IGSF10: variants seen among roughly 807,000 people sequenced by gnomAD.
IGSF10 encodes the protein calvaria mechanical force protein 608.
A neutral mutation model predicts 128.2 loss-of-function variants in IGSF10; 126 were observed. The ratio of observed to expected loss-of-function variants is 0.98; its 90% confidence interval spans 0.85 to 1.14. IGSF10 has a LOEUF of 1.14. Ranked by LOEUF, IGSF10 falls within the 50% of genes most tolerant of loss-of-function variation. The probability of loss-of-function intolerance (pLI) is 0.00; values close to 1 mark genes in which losing one functional copy is unlikely to be tolerated. For synonymous variants in IGSF10, 1,185 were observed against 1,146.2 expected (o/e 1.03, Z -0.68); for missense variants, 3,295 against 3,149.8 (o/e 1.05, Z -1.10).
chr3:151,569,406 A>T, the IGSF10 span, among the ~76,000 whole-genome samples: 1 of 152,066 alleles, frequency 6.6e-6, no homozygotes, highest in Non-Finnish European at 1.5e-5. Context: ...TGTGCCTCTC[A>T]TTTGTTATCT....
At chr3:151,500,079 A>G in the IGSF10 span, among the ~76,000 whole-genome samples, 1 of 152,176 alleles carries the variant, frequency 6.6e-6, no homozygotes, top group East Asian at 1.9e-4. Context: ...TGTTGACATT[A>G]ATTACCAATG....
At chr3:151,582,088 A>G in the IGSF10 span, among the ~76,000 whole-genome samples, 1 of 152,042 alleles carries the variant, frequency 6.6e-6, no homozygotes, top group African/African-American at 2.4e-5. Flanking sequence ...AAACAAAAAT[A>G]TACCATTATT....
the IGSF10 span, among the ~76,000 whole-genome samples, chr3:151,612,380 A>G: frequency 3.9e-5 from 6 of 152,244 alleles, no homozygotes; most frequent in Admixed American, 1.3e-4. Flanking sequence ...TGTGACACAC[A>G]CATACCACAG....
the IGSF10 span, among the ~76,000 whole-genome samples, chr3:151,529,543 T>C: frequency 5.9e-4 from 90 of 152,324 alleles, no homozygotes; most frequent in African/African-American, 2.1e-3. Flanking sequence ...CTGCAGCCTC[T>C]GCCGGTGATA....
intron 7 of IGSF10, among the ~76,000 whole-genome samples, chr3:151,441,441 T>C (rs1192232622): frequency 2.0e-5 from 3 of 152,158 alleles, no homozygotes; most frequent in African/African-American, 4.8e-5. Flanking sequence ...TTGATGACAT[T>C]TGAAAAACTT....
downstream of IGSF10, chr3:151,432,622 G>T (rs1719661581): frequency 1.5e-6 from 1 of 680,160 alleles, no homozygotes. Context: ...TCAGGGCAAG[G>T]ATAGTACTCT....
the IGSF10 span, among the ~76,000 whole-genome samples, chr3:151,595,149 C>G: frequency 6.6e-6 from 1 of 152,010 alleles, no homozygotes; most frequent in East Asian, 1.9e-4. Context: ...AATAGGAATC[C>G]TTGCACACTG....
chr3:151,594,331 C>CTT, the IGSF10 span, among the ~76,000 whole-genome samples: 3,196 of 121,420 alleles, frequency 0.026, 44 homozygotes, highest in African/African-American at 0.043. Context: ...ATAAAAACTG[C>CTT]TTTTTTTTTT....
At chr3:151,539,764 G>GCATC in the IGSF10 span, among the ~76,000 whole-genome samples, 1 of 137,462 alleles carries the variant, frequency 7.3e-6, no homozygotes, top group African/African-American at 2.7e-5. Flanking sequence ...TATTTCAACA[G>GCATC]CATCTATCTA....
the IGSF10 span, chr3:151,499,790 A>G: frequency 6.6e-6 from 1 of 152,072 alleles, no homozygotes; most frequent in African/African-American, 2.4e-5. Context: ...AGCTCTGAAA[A>G]CTGAAGAATA....
the IGSF10 span, among the ~76,000 whole-genome samples, chr3:151,556,522 C>T: frequency 6.6e-5 from 10 of 151,790 alleles, no homozygotes; most frequent in Admixed American, 2.0e-4. Context: ...ATGTAAGAAG[C>T]TTTAGTAAAC....
the IGSF10 span, among the ~76,000 whole-genome samples, chr3:151,512,877 A>C: frequency 6.6e-6 from 1 of 152,194 alleles, no homozygotes; most frequent in Non-Finnish European, 1.5e-5. Flanking sequence ...AAATGGATAA[A>C]TTCCTCGACA....
upstream of IGSF10, among the ~76,000 whole-genome samples, chr3:151,464,268 T>G (rs1316495927): frequency 6.6e-6 from 1 of 152,182 alleles, no homozygotes; most frequent in Admixed American, 6.5e-5. Flanking sequence ...TCCCCCTCTT[T>G]TTGTTACTCT....
the IGSF10 span, among the ~76,000 whole-genome samples, chr3:151,489,624 T>C: frequency 1.3e-5 from 2 of 152,164 alleles, no homozygotes; most frequent in East Asian, 1.9e-4. Flanking sequence ...ATATGCACCA[T>C]GGAATACTAT....
the IGSF10 span, among the ~76,000 whole-genome samples, chr3:151,510,187 C>A: frequency 2.6e-5 from 4 of 152,264 alleles, no homozygotes; most frequent in South Asian, 8.3e-4. Context: ...TTCAAGTGGG[C>A]CCCTGACGCC....
the IGSF10 span, among the ~76,000 whole-genome samples, chr3:151,533,759 C>T: frequency 5.3e-4 from 81 of 152,194 alleles, no homozygotes; most frequent in African/African-American, 1.8e-3. Context: ...GACTTCATGA[C>T]TAAAACACCA....
Position 151,445,610 on chromosome 3 carries a change from A to G in IGSF10, c.4371T>C (p.Ile1457=). 6.2e-7 allele frequency: 1 copy of G among 1,614,166 alleles called. No homozygotes were observed. The highest frequency in any genetic ancestry group is 1.1e-5 in the South Asian group (1 of 91,088). The change falls in exon 6 of 8, where the codon ATT becomes ATC. Residue 1457 remains isoleucine, a synonymous_variant. Transcript: ENST00000282466. ...AGAATGGTGGTATGGTTGAGTGTCTAATGATTGCTTTCCTAGTTGTGGTAC... is the reference window on the plus strand; with the variant it reads ...AGAATGGTGGTATGGTTGAGTGTCTGATGATTGCTTTCCTAGTTGTGGTAC... ...HQSTTTRKAI[I]RHSTIPPFLS... is the part of the protein sequence containing the mutation.
At chr3:151,603,214 G>C in the IGSF10 span, among the ~76,000 whole-genome samples, 1 of 152,166 alleles carries the variant, frequency 6.6e-6, no homozygotes, top group Non-Finnish European at 1.5e-5. Context: ...TCTGAAAACA[G>C]AAGGCCTCAC....
At chr3:151,596,549 A>G in the IGSF10 span, among the ~76,000 whole-genome samples, 1 of 152,098 alleles carries the variant, frequency 6.6e-6, no homozygotes, top group African/African-American at 2.4e-5. Flanking sequence ...CCTTGCTACA[A>G]TTGCCTATGT....
Sources: gnomAD v4.1 joint callset for allele counts (sites outside exome capture counted in the v4.1 genomes callset) on GRCh38, gnomAD v4.1.1 for gene constraint, MANE v1.5 for transcripts, NCBI Gene and HGNC (gene_info 2026-07-23, HGNC 2026-07-21) for gene names.